The following KCNK2 variants were observed in gnomAD, a reference collection of about 807,000 sequenced individuals.
The protein encoded by KCNK2 is potassium two pore domain channel subfamily K member 2.
KCNK2 carries 21 observed loss-of-function variants against 40.5 expected under a neutral mutation model. That is an observed-to-expected ratio of 0.52 (90% CI 0.37 to 0.75). The LOEUF is 0.75. KCNK2 is among the 30% of genes least tolerant of loss of function. The pLI, the probability that KCNK2 is intolerant of heterozygous loss-of-function variation, is 0.00. For synonymous variants in KCNK2, 191 were observed against 202.2 expected, an observed-to-expected ratio of 0.94 and a Z score of 0.47; for missense variants, 399 against 531.6, an observed-to-expected ratio of 0.75 and a Z score of 2.45.
chr1:215,059,638 T>A (rs1658301843), intron 1 of KCNK2, among the ~76,000 whole-genome samples: 1 of 152,172 alleles, frequency 6.6e-6, no homozygotes, highest in Non-Finnish European at 1.5e-5. Flanking sequence ...TTTTCTAAAA[T>A]TCTATAGCTC....
At chr1:215,009,441 C>T (rs1176513816) in intron 1 of KCNK2, among the ~76,000 whole-genome samples, 1 of 152,036 alleles carries the variant, frequency 6.6e-6, no homozygotes, top group Non-Finnish European at 1.5e-5. Flanking sequence ...TTTACAAAAC[C>T]ATTTACATAT....
At chr1:215,091,286 C>T (rs1455646109) in intron 2 of KCNK2, among the ~76,000 whole-genome samples, 1 of 152,012 alleles carries the variant, frequency 6.6e-6, no homozygotes, top group Non-Finnish European at 1.5e-5. Flanking sequence ...GTGTGAGGGG[C>T]AGGGGCATGA....
At chr1:215,136,616 G>T (rs1333729254) in intron 3 of KCNK2, among the ~76,000 whole-genome samples, 1 of 152,200 alleles carries the variant, frequency 6.6e-6, no homozygotes, top group Non-Finnish European at 1.5e-5. Context: ...TGGATAGGCA[G>T]GAGGGTTCTC....
At position 215,083,357 on chromosome 1, in the gene KCNK2, C is replaced by CA. The variant is rs777210116; in HGVS notation, c.-23dup. 6.2e-7 allele frequency: 1 copy of CA among 1,613,982 alleles called. No homozygotes were observed. The highest frequency in any genetic ancestry group is 1.1e-5 in the South Asian group (1 of 91,086). The stretch of plus-strand genomic sequence containing the variant: ...AAAAAAGCTTCAAGTCCGTCTTTTT[C>CA]AAAAAACATTTTGAATGCTGCATGC... On this transcript the variant is annotated 5_prime_UTR_variant, in exon 1 of 7. Transcript: ENST00000444842.
At chr1:215,080,812 GT>G (rs1176113423), upstream of KCNK2, among the ~76,000 whole-genome samples, 2 of 152,180 alleles carry the variant, frequency 1.3e-5, no homozygotes, top group Non-Finnish European at 2.9e-5. Flanking sequence ...GTGATGGTTA[GT>G]TTTATGTGTC....
At chr1:215,071,981 G>T (rs929680444) in intron 1 of KCNK2, among the ~76,000 whole-genome samples, 1 of 152,130 alleles carries the variant, frequency 6.6e-6, no homozygotes, top group African/African-American at 2.4e-5. Context: ...TGTTCAACAT[G>T]GAGTTTTGTA....
rs1664091250 is a variant in KCNK2, at chr1:215,178,572, T to A, written c.823+6389T>A. 2.0e-5 allele frequency among the ~76,000 whole-genome samples: 3 copies of A among 152,304 alleles called. No individual in the cohort carries two copies. In the South Asian group the frequency reaches 6.2e-4, roughly 32 times the overall value. On this transcript the variant is annotated intron_variant, in intron 5 of 6. Transcript: ENST00000444842. ...CTTGGGGATTTTTATCAGGAAGGGA[T>A]GTTATATTTTATTAAAAGCTTTTTC...
At chr1:215,115,888 C>A (rs1322037844) in intron 2 of KCNK2, among the ~76,000 whole-genome samples, 1 of 151,814 alleles carries the variant, frequency 6.6e-6, no homozygotes, top group Non-Finnish European at 1.5e-5. Context: ...CAGGGAAATG[C>A]CGCTTCAGTG....
chr1:215,214,708 C>G (rs570215579), intron 6 of KCNK2, among the ~76,000 whole-genome samples: 2 of 152,132 alleles, frequency 1.3e-5, no homozygotes, highest in South Asian at 4.2e-4. Context: ...TGCCTGTACC[C>G]CCAACTACTC....
rs1571757162 is a variant in KCNK2 at position 215,230,513 on chromosome 1, A to ATATATATATATATATATATATATG, written c.964-4296_964-4295insATATGTATATATATATATATATAT. ...CACACACACACACACGGCTGTATAT[A>ATATATATATATATATATATATATG]TATATATATATATATATATGTATAT... On this transcript the variant is annotated intron_variant, in intron 6 of 6. Coordinates refer to ENST00000444842, the MANE Select transcript of KCNK2 (RefSeq NM_001017425.3). Among the ~76,000 whole-genome samples the ATATATATATATATATATATATATG allele has an allele frequency of 5.6e-4, 16 of 28,412 alleles. No homozygotes were observed. In the South Asian group the frequency reaches 0.025, roughly 44 times the overall value. 18.6% of individuals were successfully genotyped at this position (28,412 alleles called of 152,430 possible). A position where few individuals can be genotyped will look rare whatever the true frequency, so the allele number is the denominator to read the frequency against.
intron 2 of KCNK2, among the ~76,000 whole-genome samples, chr1:215,117,831 A>G (rs1234519718): frequency 6.6e-6 from 1 of 152,066 alleles, no homozygotes; most frequent in African/African-American, 2.4e-5. Flanking sequence ...TCATGAAAGG[A>G]CAAAGAGGTA....
intron 6 of KCNK2, among the ~76,000 whole-genome samples, chr1:215,230,079 C>CTGTG (rs1328967221): frequency 3.7e-5 from 4 of 107,282 alleles, no homozygotes; most frequent in African/African-American, 1.5e-4. Flanking sequence ...ATATATATAT[C>CTGTG]TGTGTGTGTG....
chr1:215,083,194 T>TGCCCCCCCCC lies in KCNK2; in HGVS notation c.-192_-191insGCCCCCCCCC. ...CCCGCGATTTCGTTTCTTCTCACGC[T>TGCCCCCCCCC]CCCCCCCCCGCCCCCTCCCGCGTCC... On this transcript the variant is annotated 5_prime_UTR_variant, in exon 1 of 7. Transcript: ENST00000444842. The TGCCCCCCCCC allele has an allele frequency of 1.2e-5, 6 of 501,814 alleles. No individual in the cohort carries two copies. Among genetic ancestry groups the TGCCCCCCCCC allele is most frequent in the African/African-American group, 2.5e-5 (1 of 39,770 alleles). The allele number at this position is 501,814 out of a possible 1,614,324, so 31.1% of individuals were successfully genotyped here. A position where few individuals can be genotyped will look rare whatever the true frequency, so the allele number is the denominator to read the frequency against.
chr1:215,104,489 T>C (rs909616632), intron 2 of KCNK2, among the ~76,000 whole-genome samples: 1 of 152,060 alleles, frequency 6.6e-6, no homozygotes, highest in African/African-American at 2.4e-5. Flanking sequence ...CTGTTTTGCA[T>C]TGATCATCTG....
chr1:215,007,696 G>A (rs1656232898), intron 1 of KCNK2, among the ~76,000 whole-genome samples: 1 of 152,160 alleles, frequency 6.6e-6, no homozygotes, highest in South Asian at 2.1e-4. Flanking sequence ...ATTAGAAGTA[G>A]TGGTGAAATC....
chr1:215,009,859 C>T (rs1273512410), intron 1 of KCNK2, among the ~76,000 whole-genome samples: 4 of 152,126 alleles, frequency 2.6e-5, no homozygotes, highest in Non-Finnish European at 1.5e-5. Flanking sequence ...ATCCCAGACA[C>T]TTCAAGAGAA....
At chr1:215,122,959 T>A (rs2102578855) in intron 2 of KCNK2, among the ~76,000 whole-genome samples, 1 of 151,980 alleles carries the variant, frequency 6.6e-6, no homozygotes, top group Admixed American at 6.6e-5. Flanking sequence ...TTAGCCAGGA[T>A]GGTCTCGATC....
chr1:215,007,191 A>ATG (rs1656205803), intron 1 of KCNK2, among the ~76,000 whole-genome samples: 4 of 32,088 alleles, frequency 1.2e-4, no homozygotes, highest in Non-Finnish European at 2.2e-4. Context: ...GTGGGTATAT[A>ATG]TATATATATA....
At chr1:215,222,734 C>CTT (rs5780824) in intron 6 of KCNK2, among the ~76,000 whole-genome samples, 27,419 of 146,374 alleles carry the variant, frequency 0.19, 2,971 homozygotes, top group South Asian at 0.45. Flanking sequence ...TCCTTTTAGG[C>CTT]TTTTTTTTTT....
Sources: gnomAD v4.1 joint callset for allele counts (sites outside exome capture counted in the v4.1 genomes callset) on GRCh38, gnomAD v4.1.1 for gene constraint, MANE v1.5 for transcripts, NCBI Gene and HGNC (gene_info 2026-07-23, HGNC 2026-07-21) for gene names.